Variants in OBP2B observed in about 807,000 individuals in gnomAD.
OBP2B encodes the protein odorant binding protein 2B, also known as odorant-binding protein 2b.
Under a neutral mutation model 21.7 loss-of-function variants are expected in OBP2B, and 10 were observed. That is an observed-to-expected ratio of 0.46 (90% CI 0.28 to 0.78). OBP2B has a LOEUF of 0.78. Among genes scored for constraint, OBP2B ranks in the 30% least tolerant of loss-of-function variants. The pLI is 0.11. For missense variants in OBP2B, 153 were observed against 217.7 expected (o/e 0.70, Z 1.87); for synonymous variants, 73 against 91.5 (o/e 0.80, Z 1.16).
intron 3 of OBP2B, chr9:133,207,721 C>T: frequency 1.6e-6 from 1 of 636,246 alleles, no homozygotes; most frequent in Non-Finnish European, 2.7e-6. Flanking sequence ...TAACCCTCAG[C>T]TTCCCGATCC....
At chr9:133,210,491 C>T (rs1833894966), upstream of OBP2B, among the ~76,000 whole-genome samples, 1 of 152,046 alleles carries the variant, frequency 6.6e-6, no homozygotes, top group Non-Finnish European at 1.5e-5. Context: ...GGCCTGGGCT[C>T]TTCAGGACCA....
chr9:133,205,866 G>A (rs374906777), intron 6 of OBP2B, 51 bp downstream of exon 6: 127 of 1,613,556 alleles, frequency 7.9e-5, no homozygotes, highest in African/African-American at 3.5e-4. Flanking sequence ...CTCGAACCCC[G>A]GGAACCCAGG....
At chr9:133,210,450 C>G (rs1459509740), upstream of OBP2B, among the ~76,000 whole-genome samples, 1 of 152,170 alleles carries the variant, frequency 6.6e-6, no homozygotes, top group Non-Finnish European at 1.5e-5. Context: ...AGAAACCCCC[C>G]ACCCTCATCC....
chr9:133,209,473 G>A (rs535743847), upstream of OBP2B, among the ~76,000 whole-genome samples: 2 of 152,208 alleles, frequency 1.3e-5, no homozygotes, highest in Middle Eastern at 3.4e-3. The surrounding 1 kb of genome is among the most constrained non-coding windows in gnomAD (Gnocchi z 6.0). Flanking sequence ...CGCCCACTCA[G>A]ATGAGCCCAG....
the OBP2B span, among the ~76,000 whole-genome samples, chr9:133,222,137 G>A: frequency 2.0e-5 from 3 of 152,184 alleles, no homozygotes; most frequent in African/African-American, 7.2e-5. Flanking sequence ...GAGTGTGTCA[G>A]TGCGTATGTA....
the OBP2B span, among the ~76,000 whole-genome samples, chr9:133,214,431 G>A: frequency 4.6e-5 from 7 of 152,376 alleles, no homozygotes; most frequent in African/African-American, 1.7e-4. Context: ...TGGACTGAGC[G>A]AAGGGGTTTA....
the OBP2B span, among the ~76,000 whole-genome samples, chr9:133,214,807 G>C: frequency 6.6e-6 from 1 of 152,228 alleles, no homozygotes; most frequent in Non-Finnish European, 1.5e-5. Context: ...TTTGAGGCTG[G>C]GATACTCAGT....
chr9:133,221,169 A>C, the OBP2B span, among the ~76,000 whole-genome samples: 1 of 152,256 alleles, frequency 6.6e-6, no homozygotes, highest in African/African-American at 2.4e-5. Context: ...CCCATGCACC[A>C]TCGGCTGAAG....
At chr9:133,211,113 T>C (rs1289700399), upstream of OBP2B, among the ~76,000 whole-genome samples, 7 of 152,184 alleles carry the variant, frequency 4.6e-5, no homozygotes, top group Admixed American at 2.6e-4. Context: ...GTCTGGGCTT[T>C]ACTCGACACC....
At chr9:133,209,788 C>T (rs1226691680), upstream of OBP2B, among the ~76,000 whole-genome samples, 1 of 152,130 alleles carries the variant, frequency 6.6e-6, no homozygotes, top group Non-Finnish European at 1.5e-5. This position sits in a 1 kb window ranked among gnomAD's most constrained non-coding sequence, Gnocchi z 6.0. Flanking sequence ...ACTCGAGCTT[C>T]CTAGGGGCAG....
chr9:133,207,154 G>T, intron 4 of OBP2B, 72 bp downstream of exon 4: 1 of 1,050,680 alleles, frequency 9.5e-7, no homozygotes, highest in Non-Finnish European at 1.5e-6. Context: ...AGGGCATGGT[G>T]GTGCTGGTTC....
At chr9:133,205,609 C>T (rs1268995398) in intron 6 of OBP2B, 198 bp from the exon 7 acceptor site, 19 of 602,818 alleles carry the variant, frequency 3.2e-5, no homozygotes, top group Admixed American at 8.9e-5. Context: ...GGGAGTGGAC[C>T]GCGTGGGGAC....
In OBP2B at chr9:133,206,174, A is replaced by T; in HGVS notation, c.490+141T>A. ...GCCTCCAATGAGGAGGACGCTAAACAGGGCCCGGGAGCCCCTGCGAGGAGA... is the reference window on the plus strand; with the variant it reads ...GCCTCCAATGAGGAGGACGCTAAACTGGGCCCGGGAGCCCCTGCGAGGAGA... On this transcript the variant is annotated intron_variant, in intron 5 of 6. Transcript: ENST00000372034. 8.8e-6 allele frequency: 10 copies of T among 1,141,602 alleles called. No individual in the cohort carries two copies. The South Asian group carries it at 1.3e-4, about 15-fold the overall frequency. 70.7% of individuals were successfully genotyped at this position (1,141,602 alleles called of 1,614,324 possible). A position where few individuals can be genotyped will look rare whatever the true frequency, so the allele number is the denominator to read the frequency against.
upstream of OBP2B, among the ~76,000 whole-genome samples, chr9:133,211,422 G>A (rs541094445): frequency 1.1e-4 from 16 of 152,334 alleles, no homozygotes; most frequent in South Asian, 2.1e-3. Flanking sequence ...GGTGACCCAC[G>A]CTCTCGGCCC....
At chr9:133,209,965 A>G (rs1459282576), upstream of OBP2B, among the ~76,000 whole-genome samples, 3 of 152,146 alleles carry the variant, frequency 2.0e-5, no homozygotes, top group Non-Finnish European at 4.4e-5. This position sits in a 1 kb window ranked among gnomAD's most constrained non-coding sequence, Gnocchi z 6.0. Flanking sequence ...TTCTTCCTGC[A>G]CGTATTCATC....
the OBP2B span, among the ~76,000 whole-genome samples, chr9:133,214,889 T>C: frequency 6.6e-6 from 1 of 152,164 alleles, no homozygotes; most frequent in Non-Finnish European, 1.5e-5. Context: ...TTTAACATAG[T>C]ACAGAAAGTT....
At chr9:133,212,018 A>G (rs55947421), upstream of OBP2B, among the ~76,000 whole-genome samples, 4 of 152,362 alleles carry the variant, frequency 2.6e-5, no homozygotes, top group Non-Finnish European at 5.9e-5. Flanking sequence ...AAAGATATAT[A>G]AACATTAATC....
In OBP2B at chr9:133,208,203, C is replaced by T. The variant is rs782008539; in HGVS notation, c.207G>A (p.Met69Ile). ...TCTTCTGGATGCACCTATCCTCCCT[C>T]CTGGAAAACAGGAGACACGCGGGCA... ...GGKLEATFTF[M>I]REDRCIQKKI... The change falls in exon 3 of 7, where the codon ATG (methionine) becomes ATA (isoleucine). Residue 69 changes from methionine (M) to isoleucine (I), a missense_variant and splice_region_variant. By Grantham distance (10) the Met-to-Ile change is conservative. Transcript: ENST00000372034. 3.1e-6 allele frequency: 5 copies of T among 1,612,006 alleles called. No individual in the cohort carries two copies. In the South Asian group the frequency reaches 5.5e-5, roughly 18 times the overall value.
At chr9:133,207,489 C>T (rs782588010) in intron 3 of OBP2B, among the ~76,000 whole-genome samples, 153 bp from the exon 4 acceptor site, 15 of 152,186 alleles carry the variant, frequency 9.9e-5, no homozygotes, top group Non-Finnish European at 2.1e-4. Flanking sequence ...GACACGGAGG[C>T]AGGAGCCTCC....
Sources: gnomAD v4.1 joint callset for allele counts (sites outside exome capture counted in the v4.1 genomes callset) on GRCh38, gnomAD v4.1.1 for gene constraint, Gnocchi (gnomAD v3.1) non-coding constraint, MANE v1.5 for transcripts, NCBI Gene and HGNC (gene_info 2026-07-23, HGNC 2026-07-21) for gene names.